The following ACTR3 variants were observed in gnomAD, a reference collection of about 807,000 sequenced individuals.
The protein encoded by ACTR3 is actin-related protein 3.
ACTR3 carries 12 observed loss-of-function variants against 56.8 expected under a neutral mutation model. The observed-to-expected ratio is 0.21, with a 90% confidence interval of 0.14 to 0.34. ACTR3 has a LOEUF of 0.34. Among genes scored for constraint, ACTR3 ranks in the 10% least tolerant of loss-of-function variants. ACTR3 has a pLI of 1.00. For missense variants in ACTR3, 282 were observed against 512.5 expected (o/e 0.55, Z 4.34); for synonymous variants, 162 against 167.4 (o/e 0.97, Z 0.25).
In ACTR3 at chr2:113,959,370, A is replaced by T. The variant is rs1186428891; in HGVS notation, c.*1915A>T. 4 of 152,012 alleles carry T rather than the reference A, an allele frequency of 2.6e-5. No individual in the cohort carries two copies. The highest frequency in any genetic ancestry group is 5.9e-5 in the Non-Finnish European group (4 of 67,922). 9.4% of individuals were successfully genotyped at this position (152,012 alleles called of 1,614,324 possible). On this transcript the variant is annotated 3_prime_UTR_variant, in exon 12 of 12. Coordinates refer to ENST00000263238, the MANE Select transcript of ACTR3 (RefSeq NM_005721.5). ...AGATGTCATGCTCCTGGCCCAATAAAATATTGTTAGCATTGTCATAAATAT... is the reference window on the plus strand; with the variant it reads ...AGATGTCATGCTCCTGGCCCAATAATATATTGTTAGCATTGTCATAAATAT...
chr2:113,923,461 AAGT>A (rs1559472601), intron 3 of ACTR3, among the ~76,000 whole-genome samples: 1 of 151,808 alleles, frequency 6.6e-6, no homozygotes, highest in Non-Finnish European at 1.5e-5. Flanking sequence ...TCAGCCTCCC[AAGT>A]AGTTGGGACT....
chr2:113,900,533 G>GGAAGGCCT (rs1679081424), intron 1 of ACTR3, among the ~76,000 whole-genome samples: 1 of 152,172 alleles, frequency 6.6e-6, no homozygotes, highest in Non-Finnish European at 1.5e-5. Context: ...GAGGGATAAA[G>GGAAGGCCT]GAAGGCCTAT....
In ACTR3 at chr2:113,890,276, GA is replaced by G; in HGVS notation, c.-2del. The G allele has an allele frequency of 6.5e-7, 1 of 1,527,678 alleles. No homozygotes were observed. The highest frequency in any genetic ancestry group is 1.2e-5 in the South Asian group (1 of 83,784). 94.6% of individuals were successfully genotyped at this position (1,527,678 alleles called of 1,614,324 possible). On this transcript the variant is annotated 5_prime_UTR_variant, in exon 1 of 12. Transcript: ENST00000263238. ...GGCAGCAGCAGCAGCAGGCGAGGAG[GA>G]AGATGGCGGGACGGCTGCCGGCCTG...
intron 1 of ACTR3, among the ~76,000 whole-genome samples, chr2:113,900,726 G>C (rs1679085145): frequency 6.6e-6 from 1 of 152,192 alleles, no homozygotes; most frequent in Non-Finnish European, 1.5e-5. Flanking sequence ...ATTCAGTCAT[G>C]TCTTCTTTAT....
chr2:113,945,146 T>C (rs1679992644), intron 8 of ACTR3, among the ~76,000 whole-genome samples: 1 of 152,210 alleles, frequency 6.6e-6, no homozygotes, highest in Non-Finnish European at 1.5e-5. Flanking sequence ...CAGACTAGTA[T>C]ACTGGAGTGT....
At position 113,951,578 on chromosome 2, in the gene ACTR3, A is replaced by G. The variant is rs755811996; in HGVS notation, c.951+7A>G. 3.1e-6 allele frequency: 5 copies of G among 1,601,590 alleles called. No homozygotes were observed. Among genetic ancestry groups the G allele is most frequent in the Admixed American group, 3.4e-5 (2 of 59,554 alleles). On this transcript the variant is annotated splice_region_variant and intron_variant, in intron 9 of 11. Coordinates refer to ENST00000263238, the MANE Select transcript of ACTR3 (RefSeq NM_005721.5). ...CAGACGTCCTCTCTACAAGGTATTT[A>G]TAGCAAAATTGTTATTCAAGGTCTT...
chr2:113,944,432 A>G (rs1031015152), intron 8 of ACTR3, among the ~76,000 whole-genome samples: 1 of 151,948 alleles, frequency 6.6e-6, no homozygotes, highest in East Asian at 1.9e-4. Flanking sequence ...GAAGTTCATC[A>G]TCATAGTTCA....
At chr2:113,957,281 A>C (rs1421779830) in intron 11 of ACTR3, 79 bp from the exon 12 acceptor site, 1 of 966,274 alleles carries the variant, frequency 1.0e-6, no homozygotes, top group African/African-American at 1.6e-5. Flanking sequence ...TTAAAGCATC[A>C]CTCTTAAAGT....
chr2:113,944,415 A>G (rs1240967576), intron 8 of ACTR3, among the ~76,000 whole-genome samples: 3 of 152,032 alleles, frequency 2.0e-5, no homozygotes, highest in African/African-American at 7.3e-5. Context: ...ACAGGTAGGT[A>G]GTTGAAGAAG....
At chr2:113,899,182 G>T (rs1307893780) in intron 1 of ACTR3, among the ~76,000 whole-genome samples, 1 of 152,120 alleles carries the variant, frequency 6.6e-6, no homozygotes, top group Non-Finnish European at 1.5e-5. Flanking sequence ...GTATTGCAAG[G>T]ACTGATAATT....
intron 10 of ACTR3, chr2:113,954,530 CTG>C (rs754741431): frequency 3.9e-4 from 59 of 151,440 alleles, no homozygotes; most frequent in Non-Finnish European, 8.1e-4. Context: ...TTTAATATCA[CTG>C]TAATATCATA....
chr2:113,908,487 C>G (rs1391824393), intron 1 of ACTR3, among the ~76,000 whole-genome samples: 1 of 151,426 alleles, frequency 6.6e-6, no homozygotes, highest in Admixed American at 6.6e-5. Flanking sequence ...AATATACTTT[C>G]TAATTTTTTT....
chr2:113,898,314 T>G (rs1304558905), intron 1 of ACTR3, among the ~76,000 whole-genome samples: 1 of 152,096 alleles, frequency 6.6e-6, no homozygotes, highest in Non-Finnish European at 1.5e-5. Flanking sequence ...ATTATAGAGC[T>G]GAAAAGGGAT....
intron 3 of ACTR3, among the ~76,000 whole-genome samples, chr2:113,926,255 T>C (rs1423264693): frequency 6.6e-6 from 1 of 152,250 alleles, no homozygotes; most frequent in Non-Finnish European, 1.5e-5. Flanking sequence ...AGAAATAATG[T>C]CATTGAAAGG....
In ACTR3 at chr2:113,957,580, A is replaced by C; in HGVS notation, c.*125A>C. The C allele has an allele frequency of 1.5e-6, 1 of 646,840 alleles. No individual in the cohort carries two copies. The allele number at this position is 646,840 out of a possible 1,614,324, so 40.1% of individuals were successfully genotyped here. Reference sequence around the variant, plus strand: ...ACTTGAAATAGTAACACCAAACATGATTATACAGGAATATTTTAATAAGTG... The same window carrying C: ...ACTTGAAATAGTAACACCAAACATGCTTATACAGGAATATTTTAATAAGTG... On this transcript the variant is annotated 3_prime_UTR_variant, in exon 12 of 12. Transcript: ENST00000263238.
At chr2:113,911,087 A>G (rs2104591410) in intron 1 of ACTR3, among the ~76,000 whole-genome samples, 1 of 152,280 alleles carries the variant, frequency 6.6e-6, no homozygotes, top group South Asian at 2.1e-4. Flanking sequence ...GTATTAAACT[A>G]TACTGGATGG....
rs550009937 is a variant in ACTR3 at position 113,895,801 on chromosome 2, A to G, written c.44+5478A>G. 1.2e-4 allele frequency among the ~76,000 whole-genome samples: 19 copies of G among 152,194 alleles called. No homozygotes were observed. In the South Asian group the frequency reaches 3.9e-3, roughly 32 times the overall value. ...TAGCTATATGACTTTATACACTTCA[A>G]CCTCTGCAGGTCTTATTTCTTCCCA... is the stretch of plus-strand genomic sequence containing the variant. On this transcript the variant is annotated intron_variant, in intron 1 of 11. Coordinates refer to ENST00000263238, the MANE Select transcript of ACTR3 (RefSeq NM_005721.5).
At position 113,958,600 on chromosome 2, in the gene ACTR3, TG is replaced by T. The variant is rs1260315341; in HGVS notation, c.*1146del. ...ATTAAAACTGAATTACCTTTTCTAA[TG>T]TTTTTTTTTTTTAAGTAATGTAATT... is the stretch of plus-strand genomic sequence containing the variant. On this transcript the variant is annotated 3_prime_UTR_variant, in exon 12 of 12. Transcript: ENST00000263238. 1.3e-4 allele frequency: 17 copies of T among 127,800 alleles called. No homozygotes were observed. The highest frequency in any genetic ancestry group is 4.9e-4 in the African/African-American group (11 of 22,394). The allele number at this position is 127,800 out of a possible 1,614,324, so 7.9% of individuals were successfully genotyped here.
intron 10 of ACTR3, chr2:113,953,282 G>A (rs1042613663): frequency 6.6e-6 from 1 of 152,122 alleles, no homozygotes; most frequent in Non-Finnish European, 1.5e-5. Flanking sequence ...AACAGATTGG[G>A]TGTCCCTTTT....
Sources: allele counts gnomAD v4.1 joint callset (sites outside exome capture counted in the v4.1 genomes callset), GRCh38; gene constraint gnomAD v4.1.1; transcripts MANE v1.5; gene names NCBI Gene and HGNC (gene_info 2026-07-23, HGNC 2026-07-21).